ARHGAP24: variants seen among roughly 807,000 people sequenced by gnomAD.
ARHGAP24 encodes the protein rho GTPase-activating protein 24.
A neutral mutation model predicts 76.4 loss-of-function variants in ARHGAP24; 50 were observed. The ratio of observed to expected loss-of-function variants is 0.65; its 90% CI spans 0.52 to 0.83. The LOEUF is 0.83. Among genes scored for constraint, ARHGAP24 ranks in the 40% least tolerant of loss-of-function variants. ARHGAP24 has a pLI of 0.00. For synonymous variants in ARHGAP24, 345 were observed against 323.3 expected (o/e 1.07, Z -0.72); for missense variants, 930 against 914.2 (o/e 1.02, Z -0.22).
intron 2 of ARHGAP24, among the ~76,000 whole-genome samples, chr4:85,605,057 A>G (rs1374419032): frequency 1.3e-5 from 2 of 152,156 alleles, no homozygotes; most frequent in Non-Finnish European, 2.9e-5. Flanking sequence ...ATTTACATAT[A>G]CACACAAATA....
At chr4:85,560,182 G>A (rs1726538639) in intron 1 of ARHGAP24, among the ~76,000 whole-genome samples, 1 of 151,980 alleles carries the variant, frequency 6.6e-6, no homozygotes, top group Non-Finnish European at 1.5e-5. Context: ...AATTCCAGTG[G>A]TTGTCTTTTT....
chr4:85,951,614 CA>C (rs1737622558), intron 5 of ARHGAP24, among the ~76,000 whole-genome samples: 1 of 152,062 alleles, frequency 6.6e-6, no homozygotes, highest in African/African-American at 2.4e-5. Flanking sequence ...GATAAAAATA[CA>C]GACTGTGCAT....
At chr4:85,833,823 A>C (rs1339373188) in intron 3 of ARHGAP24, among the ~76,000 whole-genome samples, 1 of 152,210 alleles carries the variant, frequency 6.6e-6, no homozygotes, top group Non-Finnish European at 1.5e-5. Context: ...CTTTCAAGTA[A>C]GGTATTTATA....
chr4:85,726,455 G>A (rs1725170033), intron 3 of ARHGAP24, among the ~76,000 whole-genome samples: 2 of 152,162 alleles, frequency 1.3e-5, no homozygotes, highest in South Asian at 2.1e-4. Context: ...AGCAACTGAA[G>A]TCTTAGCTGA....
chr4:85,747,386 C>T, intron 3 of ARHGAP24, among the ~76,000 whole-genome samples: 1 of 151,958 alleles, frequency 6.6e-6, no homozygotes, highest in East Asian at 1.9e-4. Flanking sequence ...AAAATTGAAC[C>T]GCCTACAATA....
chr4:85,995,338 A>C lies in ARHGAP24; in HGVS notation c.1684A>C (p.Ile562Leu). ...TACCTGGTCCACTTCCTCCTGTGAA[A>C]TCTCCCTCCCTGAGAACTCCAACTC... is the stretch of plus-strand genomic sequence containing the variant. ...SATWSTSSCE[I>L]SLPENSNSCR... Residue 562 changes from isoleucine (I) to leucine (L), a missense_variant, in exon 9 of 10, where the codon ATC becomes CTC. By Grantham distance (5) the Ile-to-Leu change is conservative. Coordinates refer to ENST00000395184, the MANE Select transcript of ARHGAP24 (RefSeq NM_001025616.3). 1 of 1,613,906 alleles carries C rather than the reference A, an allele frequency of 6.2e-7. No individual in the cohort carries two copies.
intron 3 of ARHGAP24, among the ~76,000 whole-genome samples, chr4:85,748,752 G>C (rs1726145633): frequency 6.6e-6 from 1 of 152,156 alleles, no homozygotes; most frequent in Non-Finnish European, 1.5e-5. Context: ...CTGTGCATAA[G>C]AGCAAAATTA....
At chr4:85,509,675 G>C (rs1724200868) in intron 1 of ARHGAP24, among the ~76,000 whole-genome samples, 1 of 151,966 alleles carries the variant, frequency 6.6e-6, no homozygotes, top group African/African-American at 2.4e-5. Flanking sequence ...TCTGGTCTGG[G>C]ATCTGTTCTT....
chr4:85,937,706 G>A (rs1185953956), intron 4 of ARHGAP24, among the ~76,000 whole-genome samples: 3 of 152,096 alleles, frequency 2.0e-5, no homozygotes, highest in African/African-American at 7.2e-5. Context: ...AAGGGAGTGA[G>A]ACATGAAGTA....
intron 1 of ARHGAP24, among the ~76,000 whole-genome samples, chr4:85,495,183 A>G (rs1172382946): frequency 2.0e-5 from 3 of 151,502 alleles, no homozygotes; most frequent in African/African-American, 7.3e-5. Flanking sequence ...GACATGACCT[A>G]TAAATGACCG....
chr4:85,691,159 A>G (rs1192217424), intron 2 of ARHGAP24, among the ~76,000 whole-genome samples: 2 of 152,044 alleles, frequency 1.3e-5, no homozygotes, highest in African/African-American at 2.4e-5. Context: ...TAGTTTTCAG[A>G]TATCTTCTTG....
chr4:85,643,831 T>C (rs1721620798), intron 2 of ARHGAP24, among the ~76,000 whole-genome samples: 1 of 152,172 alleles, frequency 6.6e-6, no homozygotes, highest in Non-Finnish European at 1.5e-5. Flanking sequence ...TTGTTATTTG[T>C]AGGGGCATAT....
At chr4:85,944,452 T>A (rs1278282483) in intron 5 of ARHGAP24, among the ~76,000 whole-genome samples, 1 of 152,222 alleles carries the variant, frequency 6.6e-6, no homozygotes, top group Non-Finnish European at 1.5e-5. Context: ...AAGTTCCTTG[T>A]AGATTCTGGA....
At chr4:85,973,550 A>G (rs1383345154) in intron 6 of ARHGAP24, among the ~76,000 whole-genome samples, 1 of 152,144 alleles carries the variant, frequency 6.6e-6, no homozygotes, top group Non-Finnish European at 1.5e-5. Flanking sequence ...AAATTTATCT[A>G]TTTTTAATCA....
At chr4:85,619,234 CTG>C (rs1720630448) in intron 2 of ARHGAP24, among the ~76,000 whole-genome samples, 1 of 152,006 alleles carries the variant, frequency 6.6e-6, no homozygotes, top group East Asian at 1.9e-4. Context: ...CCTTTTCCCA[CTG>C]TGTGTGCTTG....
At position 85,488,514 on chromosome 4, in the gene ARHGAP24, GA is replaced by G. The variant is rs544344380; in HGVS notation, c.-21+12959del. Reference sequence around the variant, plus strand: ...GGACTTCAGAATAAAAGCCTGCTTAGAAAACAGCTATTACCATCTCTCCTCC... The same window carrying G: ...GGACTTCAGAATAAAAGCCTGCTTAGAAACAGCTATTACCATCTCTCCTCC... On this transcript the variant is annotated intron_variant, in intron 1 of 9. Transcript: ENST00000395184. Among the ~76,000 whole-genome samples the G allele has an allele frequency of 1.2e-3, 186 of 152,222 alleles. 1 individual carries two copies. The highest frequency in any genetic ancestry group is 4.3e-3 in the African/African-American group (180 of 41,542).
At chr4:85,683,554 A>G (rs536190137) in intron 2 of ARHGAP24, among the ~76,000 whole-genome samples, 3 of 152,346 alleles carry the variant, frequency 2.0e-5, no homozygotes, top group Admixed American at 6.5e-5. Context: ...TTATTTTAAC[A>G]TATTTTGAAG....
chr4:85,528,927 T>C (rs1578010554), intron 1 of ARHGAP24, among the ~76,000 whole-genome samples: 1 of 152,170 alleles, frequency 6.6e-6, no homozygotes, highest in East Asian at 1.9e-4. Flanking sequence ...TCTTGACTAC[T>C]CTTGAGCTGA....
chr4:85,679,297 G>A (rs1435209404), intron 2 of ARHGAP24, among the ~76,000 whole-genome samples: 1 of 152,110 alleles, frequency 6.6e-6, no homozygotes, highest in African/African-American at 2.4e-5. Flanking sequence ...TTCAGAGAAA[G>A]CTTGTTTGCA....
Sources: gnomAD v4.1 joint callset for allele counts (sites outside exome capture counted in the v4.1 genomes callset) on GRCh38, gnomAD v4.1.1 for gene constraint, MANE v1.5 for transcripts, NCBI Gene and HGNC (gene_info 2026-07-23, HGNC 2026-07-21) for gene names.